CCDC186: variants seen among roughly 807,000 people sequenced by gnomAD.
The protein encoded by CCDC186 is coiled-coil domain containing 186, also known as coiled-coil domain-containing protein 186.
In CCDC186, 49 loss-of-function variants were observed where a neutral mutation model predicts 113.7. That is an observed-to-expected ratio of 0.43 (90% CI 0.34 to 0.55). CCDC186 has a LOEUF of 0.55. Among genes scored for constraint, CCDC186 ranks in the 20% least tolerant of loss-of-function variants. The probability of loss-of-function intolerance (pLI) is 0.02; values close to 1 mark genes in which losing one functional copy is unlikely to be tolerated. For missense variants in CCDC186, 890 were observed against 1,011.1 expected (o/e 0.88, Z 1.62); for synonymous variants, 355 against 345.8 (o/e 1.03, Z -0.30).
Position 114,120,892 on chromosome 10 carries a change from T to A in CCDC186, c.*4251A>T, listed in dbSNP as rs1444444362. 6.6e-6 allele frequency: 1 copy of A among 152,148 alleles called. No homozygotes were observed. Among genetic ancestry groups the A allele is most frequent in the African/African-American group, 2.4e-5 (1 of 41,430 alleles). The allele number at this position is 152,148 out of a possible 1,614,324, so 9.4% of individuals were successfully genotyped here. A position where few individuals can be genotyped will look rare whatever the true frequency, so the allele number is the denominator to read the frequency against. On this transcript the variant is annotated 3_prime_UTR_variant, in exon 16 of 16. Transcript: ENST00000369287. The stretch of plus-strand genomic sequence containing the variant: ...AAATAGGCATTACCTATTTAATAAG[T>A]ACAATATATACATAGAATCCTCTTG...
At chr10:114,134,372 A>T (rs2031189395) in intron 10 of CCDC186, among the ~76,000 whole-genome samples, 1 of 152,234 alleles carries the variant, frequency 6.6e-6, no homozygotes, top group African/African-American at 2.4e-5. Flanking sequence ...CCATGAATTT[A>T]TTAGCAGAAT....
intron 2 of CCDC186, 149 bp downstream of exon 2, chr10:114,162,487 GC>G: frequency 1.8e-6 from 1 of 566,440 alleles, no homozygotes; most frequent in Non-Finnish European, 2.9e-6. Context: ...CACACATTCA[GC>G]AACTATACAT....
intron 3 of CCDC186, among the ~76,000 whole-genome samples, chr10:114,156,260 T>C (rs1372033168): frequency 6.6e-6 from 1 of 152,248 alleles, no homozygotes; most frequent in Non-Finnish European, 1.5e-5. Flanking sequence ...TTACTGTTAT[T>C]TTCATTATAT....
At chr10:114,166,179 A>G (rs2032331576) in intron 1 of CCDC186, among the ~76,000 whole-genome samples, 1 of 152,182 alleles carries the variant, frequency 6.6e-6, no homozygotes, top group African/African-American at 2.4e-5. Context: ...CAGATTTAAG[A>G]TTCCTCAGTA....
At chr10:114,170,931 A>G (rs1328274943) in intron 1 of CCDC186, among the ~76,000 whole-genome samples, 1 of 152,128 alleles carries the variant, frequency 6.6e-6, no homozygotes, top group Non-Finnish European at 1.5e-5. Flanking sequence ...AAGAGAAATT[A>G]TGGTCCATCA....
chr10:114,132,328 C>A (rs2031114562), intron 10 of CCDC186, 144 bp from the exon 11 acceptor site: 3 of 619,536 alleles, frequency 4.8e-6, no homozygotes, highest in African/African-American at 3.8e-5. Context: ...TAATATATGC[C>A]AGGAAATAAG....
intron 6 of CCDC186, among the ~76,000 whole-genome samples, chr10:114,137,799 G>A (rs981949456): frequency 6.6e-6 from 1 of 151,936 alleles, no homozygotes; most frequent in African/African-American, 2.4e-5. Flanking sequence ...CACTTTGGGG[G>A]GCTGAGGTGG....
intron 4 of CCDC186, among the ~76,000 whole-genome samples, chr10:114,150,241 T>C (rs566391219): frequency 6.6e-6 from 1 of 152,300 alleles, no homozygotes; most frequent in South Asian, 2.1e-4. Context: ...CTAGGTTTTG[T>C]GGATACAGAA....
intron 10 of CCDC186, 108 bp downstream of exon 10, chr10:114,134,805 G>C: frequency 1.6e-6 from 2 of 1,238,862 alleles, no homozygotes; most frequent in Non-Finnish European, 2.2e-6. Context: ...ATTTCAGCTA[G>C]TAAAATTGTA....
At chr10:114,158,428 C>T (rs1241871946) in intron 2 of CCDC186, among the ~76,000 whole-genome samples, 8 of 152,162 alleles carry the variant, frequency 5.3e-5, no homozygotes, top group African/African-American at 1.7e-4. Flanking sequence ...TTAGCAATAG[C>T]TGTAACCTAA....
intron 1 of CCDC186, chr10:114,173,363 G>A (rs2032575316): frequency 3.1e-6 from 1 of 325,200 alleles, no homozygotes; most frequent in Non-Finnish European, 6.3e-6. Context: ...TTGCTACTTA[G>A]GGACACGTAG....
At chr10:114,172,061 T>C (rs1366115789) in intron 1 of CCDC186, among the ~76,000 whole-genome samples, 1 of 152,166 alleles carries the variant, frequency 6.6e-6, no homozygotes, top group Admixed American at 6.5e-5. Context: ...CTCAGTGATA[T>C]GTTTATGAGA....
chr10:114,140,721 T>C (rs944911076), intron 6 of CCDC186, among the ~76,000 whole-genome samples: 3 of 152,192 alleles, frequency 2.0e-5, no homozygotes, highest in Admixed American at 1.3e-4. Flanking sequence ...ATTAATTCCA[T>C]CCAATGTATT....
At position 114,124,592 on chromosome 10, in the gene CCDC186, G is replaced by A. The variant is rs570938579; in HGVS notation, c.*551C>T. On this transcript the variant is annotated 3_prime_UTR_variant, in exon 16 of 16. Transcript: ENST00000369287. The stretch of plus-strand genomic sequence containing the variant: ...GATCATTGCTAGTTACCAAGAGCTA[G>A]CTTTCCTATTAAGTTCAGCTTTCAT... The A allele has an allele frequency of 1.3e-5, 2 of 152,306 alleles. No individual in the cohort carries two copies. Among genetic ancestry groups the A allele is most frequent in the East Asian group, 3.9e-4 (2 of 5,180 alleles). 9.4% of individuals were successfully genotyped at this position (152,306 alleles called of 1,614,324 possible). A position where few individuals can be genotyped will look rare whatever the true frequency, so the allele number is the denominator to read the frequency against.
At chr10:114,139,426 G>C (rs2031389204) in intron 6 of CCDC186, among the ~76,000 whole-genome samples, 1 of 151,938 alleles carries the variant, frequency 6.6e-6, no homozygotes, top group African/African-American at 2.4e-5. Context: ...AGCCGGGTGT[G>C]GTGGTGCATG....
At chr10:114,161,430 T>C (rs1298549080) in intron 2 of CCDC186, among the ~76,000 whole-genome samples, 2 of 152,142 alleles carry the variant, frequency 1.3e-5, no homozygotes, top group African/African-American at 4.8e-5. Context: ...TATTATTAAA[T>C]GTATAACATC....
At chr10:114,138,087 C>A (rs1245650110) in intron 6 of CCDC186, among the ~76,000 whole-genome samples, 68 of 80,194 alleles carry the variant, frequency 8.5e-4, no homozygotes, top group East Asian at 2.2e-3. Context: ...AAAAAATACA[C>A]AAATTAGCCA....
chr10:114,153,873 A>C lies in CCDC186; in HGVS notation c.760-2653T>G, dbSNP rs141564912. On this transcript the variant is annotated intron_variant, in intron 3 of 15. Transcript: ENST00000369287. ...CACCAGAAAAACAGCAAACTAAACC[A>C]AACACAAAGAGGAGGAAGAAAAAAA... 7.9e-5 allele frequency among the ~76,000 whole-genome samples: 12 copies of C among 151,834 alleles called. No homozygotes were observed. The East Asian group carries it at 2.3e-3, about 29-fold the overall frequency.
chr10:114,147,034 G>A (rs930616556), intron 4 of CCDC186, among the ~76,000 whole-genome samples: 10 of 152,204 alleles, frequency 6.6e-5, no homozygotes, highest in Non-Finnish European at 1.3e-4. Flanking sequence ...TTAGGGATAT[G>A]ATAGGCCCCG....
Sources: gnomAD v4.1 joint callset for allele counts (sites outside exome capture counted in the v4.1 genomes callset) on GRCh38, gnomAD v4.1.1 for gene constraint, MANE v1.5 for transcripts, NCBI Gene and HGNC (gene_info 2026-07-23, HGNC 2026-07-21) for gene names.